The following GNAL variants were observed in gnomAD, a reference collection of about 807,000 sequenced individuals.
GNAL encodes guanine nucleotide-binding protein G(olf) subunit alpha.
A neutral mutation model predicts 55.1 loss-of-function variants in GNAL; 18 were observed. The observed-to-expected ratio is 0.33, with a 90% confidence interval of 0.23 to 0.48. GNAL has a LOEUF of 0.48. GNAL is among the 20% of genes least tolerant of loss of function. GNAL has a pLI of 0.99. For synonymous variants in GNAL, 253 were observed against 237.0 expected, an observed-to-expected ratio of 1.07 and a Z score of -0.62; for missense variants, 412 against 614.1, an observed-to-expected ratio of 0.67 and a Z score of 3.48.
intron 5 of GNAL, among the ~76,000 whole-genome samples, chr18:11,831,817 G>A (rs1406931048): frequency 1.3e-5 from 2 of 152,206 alleles, no homozygotes; most frequent in Non-Finnish European, 2.9e-5. Flanking sequence ...TGACCCAGTC[G>A]GTGGCCATTT....
chr18:11,876,640 A>C lies in GNAL; in HGVS notation c.1182A>C (p.Glu394Asp). ...CTACAGCAACACCAGATGCAGGAGA[A>C]GATCCCAAAGTTACAAGAGCCAAGT... is the stretch of plus-strand genomic sequence containing the variant. Reference protein sequence around the residue: ...VPEDATPDAGEDPKVTRAKFF... With the variant: ...VPEDATPDAGDDPKVTRAKFF... The change falls in exon 11 of 12, where the codon GAA (glutamate) becomes GAC (aspartate). Residue 394 changes from glutamate to aspartate, a missense_variant. By Grantham distance (45) the Glu-to-Asp change is conservative. This residue lies in a region of GNAL where 79 missense variants were observed against 127.1 expected (regional missense o/e 0.62). Coordinates refer to ENST00000334049, the MANE Select transcript of GNAL (RefSeq NM_182978.4). 1 of 1,604,304 alleles carries C rather than the reference A, an allele frequency of 6.2e-7. No homozygotes were observed. The highest frequency in any genetic ancestry group is 8.5e-7 in the Non-Finnish European group (1 of 1,170,996).
chr18:11,847,202 G>A (rs145236420), intron 5 of GNAL, among the ~76,000 whole-genome samples: 28 of 152,102 alleles, frequency 1.8e-4, no homozygotes, highest in Admixed American at 5.2e-4. Flanking sequence ...TAGTCAACCA[G>A]AGGTCACCAT....
chr18:11,706,434 T>A (rs12456960), intron 1 of GNAL, among the ~76,000 whole-genome samples: 4,662 of 152,318 alleles, frequency 0.031, 222 homozygotes, highest in African/African-American at 0.1. Flanking sequence ...CCTCGATATC[T>A]GTGGCTGCTG....
intron 5 of GNAL, among the ~76,000 whole-genome samples, chr18:11,839,443 C>T (rs1049683058): frequency 2.7e-5 from 4 of 146,992 alleles, no homozygotes; most frequent in African/African-American, 1.0e-4. Context: ...GTCCCAGCTC[C>T]TTGATATGGT....
chr18:11,747,200 A>C (rs371327053), intron 1 of GNAL: 3 of 387,788 alleles, frequency 7.7e-6, no homozygotes, highest in South Asian at 7.0e-5. Flanking sequence ...TGTCTCTGCC[A>C]CCAGAAATGA....
At position 11,751,739 on chromosome 18, in the gene GNAL, G is replaced by C. The variant is rs1453320945; in HGVS notation, c.377-1114G>C. 1 of 836,284 alleles carries C rather than the reference G, an allele frequency of 1.2e-6. No homozygotes were observed. The highest frequency in any genetic ancestry group is 1.4e-6 in the Non-Finnish European group (1 of 693,582). The allele number at this position is 836,284 out of a possible 1,614,324, so 51.8% of individuals were successfully genotyped here. ...CCCCAGCCGGCCGGGCTCCGTGGGG[G>C]GTCAGCTCCCTGACCCCTACAGCGC... On this transcript the variant is annotated intron_variant, in intron 1 of 11. Transcript: ENST00000334049. The surrounding 1 kb of genome is among the most constrained non-coding windows in gnomAD (Gnocchi z 4.5).
chr18:11,807,604 T>C (rs538340788), intron 4 of GNAL, among the ~76,000 whole-genome samples: 1 of 152,354 alleles, frequency 6.6e-6, no homozygotes, highest in African/African-American at 2.4e-5. Context: ...TAGTTGCCTG[T>C]TGAATTCAAG....
chr18:11,872,437 A>C (rs1323422006), intron 10 of GNAL, 39 bp downstream of exon 10: 1 of 1,358,882 alleles, frequency 7.4e-7, no homozygotes, highest in East Asian at 2.4e-5. Context: ...TGAGGAATAG[A>C]ATTGTTTTAT....
chr18:11,849,501 C>CAAAAAAAAAAAAAAA (rs71172025), intron 5 of GNAL, among the ~76,000 whole-genome samples: 2 of 130,468 alleles, frequency 1.5e-5, no homozygotes, highest in African/African-American at 3.2e-5. Context: ...GATTTCATCT[C>CAAAAAAAAAAAAAAA]AAAAAAAAAA....
At chr18:11,718,086 A>G (rs933202869) in intron 1 of GNAL, among the ~76,000 whole-genome samples, 2 of 152,244 alleles carry the variant, frequency 1.3e-5, no homozygotes, top group African/African-American at 2.4e-5. Flanking sequence ...CAATTATTAA[A>G]TAAATAATGT....
chr18:11,761,701 A>G (rs1175864785), intron 4 of GNAL, among the ~76,000 whole-genome samples: 1 of 152,132 alleles, frequency 6.6e-6, no homozygotes, highest in East Asian at 1.9e-4. Context: ...AAGTTCCAAT[A>G]AGCTGCAGCC....
chr18:11,689,874 G>T lies in GNAL; in HGVS notation c.311G>T (p.Gly104Val), dbSNP rs565419967. ...AVKEARKVSR[G>V]IDRMLRDQKR... is the part of the protein sequence containing the mutation. Reference sequence around the variant, plus strand: ...AAGGAGGCGAGGAAAGTGAGCCGGGGCATCGACCGCATGCTGCGCGACCAG... The same window carrying T: ...AAGGAGGCGAGGAAAGTGAGCCGGGTCATCGACCGCATGCTGCGCGACCAG... Residue 104 changes from glycine to valine, a missense_variant, in exon 1 of 12, where the codon GGC (glycine) becomes GTC (valine). Gly to Val is a moderately radical substitution (Grantham distance 109, BLOSUM62 -3). This residue lies in a region of GNAL where 228 missense variants were observed against 194.8 expected (regional missense o/e 1.17). Transcript: ENST00000334049. 2 of 1,506,638 alleles carry T rather than the reference G, an allele frequency of 1.3e-6. No individual in the cohort carries two copies. The highest frequency in any genetic ancestry group is 2.1e-5 in the Admixed American group (1 of 47,002). 93.3% of individuals were successfully genotyped at this position (1,506,638 alleles called of 1,614,324 possible). A position where few individuals can be genotyped will look rare whatever the true frequency, so the allele number is the denominator to read the frequency against.
chr18:11,783,418 C>G (rs1175347892), intron 4 of GNAL, among the ~76,000 whole-genome samples: 3 of 152,172 alleles, frequency 2.0e-5, no homozygotes, highest in Admixed American at 6.5e-5. Flanking sequence ...CATAAATACT[C>G]TATATTAGCT....
intron 5 of GNAL, among the ~76,000 whole-genome samples, chr18:11,835,149 A>G (rs1449421780): frequency 1.3e-5 from 2 of 152,220 alleles, no homozygotes; most frequent in Non-Finnish European, 2.9e-5. Context: ...TTTCTGTTTC[A>G]TTGGACATGC....
chr18:11,793,056 A>G (rs1309964709), intron 4 of GNAL, among the ~76,000 whole-genome samples: 9 of 152,232 alleles, frequency 5.9e-5, no homozygotes, highest in African/African-American at 2.2e-4. Flanking sequence ...TATAGGAGCT[A>G]AGACTATATG....
At chr18:11,876,104 C>T (rs2036525475) in intron 10 of GNAL, among the ~76,000 whole-genome samples, 1 of 152,198 alleles carries the variant, frequency 6.6e-6, no homozygotes, top group Non-Finnish European at 1.5e-5. Flanking sequence ...GAGACAAAAA[C>T]ATTGAGACCA....
intron 1 of GNAL, among the ~76,000 whole-genome samples, chr18:11,738,331 C>T (rs1008839073): frequency 6.6e-6 from 1 of 152,134 alleles, no homozygotes; most frequent in Non-Finnish European, 1.5e-5. Flanking sequence ...TGTGTCTTAA[C>T]TTCTTGTAGC....
intron 4 of GNAL, among the ~76,000 whole-genome samples, chr18:11,786,067 AGAAATCAGGAGAAGGG>A (rs1440147760): frequency 3.9e-5 from 6 of 152,228 alleles, no homozygotes; most frequent in Non-Finnish European, 8.8e-5. Context: ...TCTGACTCCC[AGAAATCAGGAGAAGGG>A]GAAGTTTATC....
intron 4 of GNAL, among the ~76,000 whole-genome samples, chr18:11,807,035 T>C (rs760031559): frequency 3.3e-5 from 5 of 152,062 alleles, no homozygotes; most frequent in African/African-American, 4.8e-5. Flanking sequence ...GGCGCACGCC[T>C]GTAGTTCCAG....
Sources: allele counts gnomAD v4.1 joint callset (sites outside exome capture counted in the v4.1 genomes callset), GRCh38; gene constraint gnomAD v4.1.1; regional missense constraint gnomAD v4.1.1; non-coding constraint Gnocchi (gnomAD v3.1); transcripts MANE v1.5; gene names NCBI Gene and HGNC (gene_info 2026-07-23, HGNC 2026-07-21).